The following IKBKE variants were observed in gnomAD, a reference collection of about 807,000 sequenced individuals.
IKBKE encodes inhibitor of nuclear factor kappa-B kinase subunit epsilon.
Under a neutral mutation model 92.1 loss-of-function variants are expected in IKBKE, and 45 were observed. The observed-to-expected ratio is 0.49, with a 90% CI of 0.38 to 0.63. The LOEUF is 0.63. Among genes scored for constraint, IKBKE ranks in the 20% least tolerant of loss-of-function variants. The probability of loss-of-function intolerance (pLI) is 0.00; values close to 1 mark genes in which losing one functional copy is unlikely to be tolerated. For missense variants in IKBKE, 700 were observed against 932.8 expected, an observed-to-expected ratio of 0.75 and a Z score of 3.25; for synonymous variants, 374 against 380.3, an observed-to-expected ratio of 0.98 and a Z score of 0.19.
chr1:206,491,086 T>C (rs1299606606), intron 17 of IKBKE: 15 of 591,094 alleles, frequency 2.5e-5, no homozygotes, highest in Admixed American at 2.4e-4. Context: ...ACTTCTGGTA[T>C]GGACAAGACT....
rs1665051142 is a variant in IKBKE, at chr1:206,476,175, C to T, written c.359-6C>T. The T allele has an allele frequency of 3.1e-6, 5 of 1,613,732 alleles. No individual in the cohort carries two copies. The South Asian group carries it at 3.3e-5, about 11-fold the overall frequency. ...GCCAGCTAGTGGCCTCCCCGTCTGT[C>T]CCCAGTGGCCGGCATGAACCACCTG... is the stretch of plus-strand genomic sequence containing the variant. On this transcript the variant is annotated splice_region_variant and splice_polypyrimidine_tract_variant and intron_variant, in intron 5 of 21. Transcript: ENST00000581977. The surrounding 1 kb of genome is among the most constrained non-coding windows in gnomAD (Gnocchi z 5.1).
At chr1:206,480,000 C>T (rs1270101555) in intron 11 of IKBKE, 22 bp from the exon 12 acceptor site, 2 of 1,611,402 alleles carry the variant, frequency 1.2e-6, no homozygotes, top group African/African-American at 2.7e-5. Flanking sequence ...GGGACCTGGC[C>T]CTGTGCATCT....
At chr1:206,492,299 C>T (rs1553390606) in intron 18 of IKBKE, 1 of 388,120 alleles carries the variant, frequency 2.6e-6, no homozygotes, top group African/African-American at 2.1e-5. Context: ...CAGGCCCACT[C>T]TCCATCCCCT....
chr1:206,491,599 C>A, intron 17 of IKBKE, 49 bp from the exon 18 acceptor site: 2 of 1,317,332 alleles, frequency 1.5e-6, no homozygotes, highest in Non-Finnish European at 2.2e-6. Flanking sequence ...TGGGCTTGTG[C>A]ATAGTGGTTC....
chr1:206,490,696 T>G lies in IKBKE; in HGVS notation c.1694-123T>G. ...CTGCCCCTCCTGCTCCGCTGGGCGG[T>G]GAGTTCCCGTGAAGCAGCACAGGCT... On this transcript the variant is annotated intron_variant, in intron 16 of 21. Transcript: ENST00000581977. The surrounding 1 kb of genome is among the most constrained non-coding windows in gnomAD (Gnocchi z 5.2). The G allele has an allele frequency of 6.3e-6, 6 of 955,340 alleles. No homozygotes were observed. The highest frequency in any genetic ancestry group is 1.3e-5 in the South Asian group (1 of 75,200). The allele number at this position is 955,340 out of a possible 1,614,324, so 59.2% of individuals were successfully genotyped here.
chr1:206,474,993 G>A lies in IKBKE; in HGVS notation c.357G>A (p.Val119=). 6.2e-7 allele frequency: 1 copy of A among 1,613,776 alleles called. No homozygotes were observed. Among genetic ancestry groups the A allele is most frequent in the African/African-American group, 1.3e-5 (1 of 74,996 alleles). The change falls in exon 5 of 22, where the codon GTG becomes GTA. Residue 119 remains valine (V), a splice_region_variant and synonymous_variant. Coordinates refer to ENST00000581977, the MANE Select transcript of IKBKE (RefSeq NM_014002.4). ...AGTTCCTGGTGGTGCTGCGCTGTGTGGGTGAGCCCCTCCCTGTCCCTGCCT... is the reference window on the plus strand; with the variant it reads ...AGTTCCTGGTGGTGCTGCGCTGTGTAGGTGAGCCCCTCCCTGTCCCTGCCT... ...EDEFLVVLRC[V]VAGMNHLREN...
Position 206,487,921 on chromosome 1 carries a change from C to A in IKBKE, c.1624C>A (p.Gln542Lys). 1 of 1,613,272 alleles carries A rather than the reference C, an allele frequency of 6.2e-7. No individual in the cohort carries two copies. Among genetic ancestry groups the A allele is most frequent in the Non-Finnish European group, 8.5e-7 (1 of 1,179,516 alleles). ...CCTGTCTCCTGCCCACAGCATCCAG[C>A]AGATTCAGTGCTGTTTGGACAAGAT... The part of the protein sequence containing the change: ...DQVHEDRSIQ[Q>K]IQCCLDKMNF... The change falls in exon 16 of 22, where the codon CAG (glutamine) becomes AAG (lysine). Residue 542 changes from glutamine to lysine, a missense_variant. Gln to Lys is a moderately conservative substitution (Grantham distance 53). Transcript: ENST00000581977. The surrounding 1 kb of genome is among the most constrained non-coding windows in gnomAD (Gnocchi z 5.3).
chr1:206,475,072 C>T lies in IKBKE; in HGVS notation c.358+78C>T, dbSNP rs1664988494. Reference sequence around the variant, plus strand: ...ACAGATGCTGACAGGACTCAGGTGTCTGACTCCTGCTAATCATTCCATTTA... The same window carrying T: ...ACAGATGCTGACAGGACTCAGGTGTTTGACTCCTGCTAATCATTCCATTTA... On this transcript the variant is annotated intron_variant, in intron 5 of 21. Transcript: ENST00000581977. 7.6e-5 allele frequency: 109 copies of T among 1,433,818 alleles called. 2 individuals carry two copies. The South Asian group carries it at 1.3e-3, about 17-fold the overall frequency. The allele number at this position is 1,433,818 out of a possible 1,614,324, so 88.8% of individuals were successfully genotyped here.
intron 15 of IKBKE, among the ~76,000 whole-genome samples, chr1:206,486,543 A>T (rs1265154875): frequency 1.3e-5 from 2 of 151,158 alleles, no homozygotes; most frequent in African/African-American, 4.9e-5. Context: ...TTTTGGATGA[A>T]GGCTGCAGAT....
chr1:206,486,141 G>A (rs1305507491), intron 15 of IKBKE, among the ~76,000 whole-genome samples: 2 of 152,258 alleles, frequency 1.3e-5, no homozygotes, highest in African/African-American at 4.8e-5. Flanking sequence ...CACTTACGGT[G>A]AATGTTCTTG....
intron 20 of IKBKE, 44 bp from the exon 21 acceptor site, chr1:206,493,876 C>A (rs370361476): frequency 1.9e-6 from 3 of 1,560,572 alleles, no homozygotes; most frequent in Non-Finnish European, 1.8e-6. Context: ...CTGGGCAGGG[C>A]AACTTCCAGC....
Position 206,487,048 on chromosome 1 carries a change from C to G in IKBKE, c.1617-866C>G, listed in dbSNP as rs1553388973. On this transcript the variant is annotated intron_variant, in intron 15 of 21. Transcript: ENST00000581977. The surrounding 1 kb of genome is among the most constrained non-coding windows in gnomAD (Gnocchi z 5.3). ...GCTGTGGATCTGAGGCCTGTCCCAG[C>G]CACTTCATCTTCCACCCTCATGTTC... Among the ~76,000 whole-genome samples the G allele has an allele frequency of 6.6e-6, 1 of 152,270 alleles. No homozygotes were observed. Among genetic ancestry groups the G allele is most frequent in the East Asian group, 1.9e-4 (1 of 5,206 alleles).
In IKBKE at chr1:206,490,799, G is replaced by C; in HGVS notation, c.1694-20G>C. 1 of 1,613,646 alleles carries C rather than the reference G, an allele frequency of 6.2e-7. No homozygotes were observed. The highest frequency in any genetic ancestry group is 8.5e-7 in the Non-Finnish European group (1 of 1,179,546). On this transcript the variant is annotated intron_variant, in intron 16 of 21. Coordinates refer to ENST00000581977, the MANE Select transcript of IKBKE (RefSeq NM_014002.4). This position sits in a 1 kb window ranked among gnomAD's most constrained non-coding sequence, Gnocchi z 5.2. ...TTGACTGATTGAATAGGTGACATCT[G>C]TTCTGTCTGTTTCCTCCAGGGCTTG...
intron 13 of IKBKE, among the ~76,000 whole-genome samples, chr1:206,481,097 C>T (rs557419923): frequency 7.2e-5 from 11 of 152,242 alleles, no homozygotes; most frequent in African/African-American, 2.4e-4. Flanking sequence ...AAGAGAGAGA[C>T]CGGGCAGGAG....
intron 18 of IKBKE, 102 bp from the exon 19 acceptor site, chr1:206,492,921 G>T (rs1553390962): frequency 3.0e-6 from 3 of 1,010,288 alleles, no homozygotes; most frequent in Non-Finnish European, 4.6e-6. Flanking sequence ...CAAATACCCG[G>T]GACCCACCTG....
Position 206,476,610 on chromosome 1 carries a change from G to T in IKBKE, c.541-68G>T, listed in dbSNP as rs2103455439. ...TTTTCACCTGCAGGCGGTGAAAGGG[G>T]GTCTGACAGGTCTCAGGCCCTTGCC... On this transcript the variant is annotated intron_variant, in intron 6 of 21. Transcript: ENST00000581977. This position sits in a 1 kb window ranked among gnomAD's most constrained non-coding sequence, Gnocchi z 5.1. 6.3e-7 allele frequency: 1 copy of T among 1,575,046 alleles called. No homozygotes were observed.
In IKBKE at chr1:206,479,915, C is replaced by T. The variant is rs782747957; in HGVS notation, c.1229C>T (p.Ala410Val). 1.5e-5 allele frequency: 24 copies of T among 1,613,632 alleles called. No individual in the cohort carries two copies. The highest frequency in any genetic ancestry group is 2.2e-5 in the East Asian group (1 of 44,820). ...PKFVPKVDLQ[A>V]DYNTAKGVLG... ...TTCGTCCCCAAAGTGGACCTGCAGG[C>T]GGATTACAACACTGCCAAGGTGAGG... Residue 410 changes from alanine (A) to valine (V), a missense_variant, in exon 11 of 22, where the codon GCG becomes GTG. By Grantham distance (64) the Ala-to-Val change is moderately conservative. Coordinates refer to ENST00000581977, the MANE Select transcript of IKBKE (RefSeq NM_014002.4).
intron 21 of IKBKE, among the ~76,000 whole-genome samples, chr1:206,495,734 T>C (rs774131557): frequency 3.9e-5 from 6 of 152,230 alleles, no homozygotes; most frequent in Non-Finnish European, 8.8e-5. Flanking sequence ...AACTTTATTT[T>C]AGTGAATTTT....
intron 12 of IKBKE, 38 bp from the exon 13 acceptor site, chr1:206,480,409 C>T (rs1202697234): frequency 1.2e-5 from 19 of 1,540,400 alleles, no homozygotes; most frequent in South Asian, 2.2e-5. Context: ...CTGAGTCCCC[C>T]GATCAAGGCA....
Sources: allele counts gnomAD v4.1 joint callset (sites outside exome capture counted in the v4.1 genomes callset), GRCh38; gene constraint gnomAD v4.1.1; non-coding constraint Gnocchi (gnomAD v3.1); transcripts MANE v1.5; gene names NCBI Gene and HGNC (gene_info 2026-07-23, HGNC 2026-07-21).